Variants in LAMB4 observed in about 807,000 individuals in gnomAD.
LAMB4 encodes laminin subunit beta-4.
A neutral mutation model predicts 199.2 loss-of-function variants in LAMB4; 196 were observed. The ratio of observed to expected loss-of-function variants is 0.98; its 90% CI spans 0.88 to 1.11. The LOEUF (loss-of-function observed/expected upper bound fraction) is 1.11. Among genes scored for constraint, LAMB4 ranks in the 50% least tolerant of loss-of-function variants. The pLI is 0.00. For missense variants in LAMB4, 2,080 were observed against 2,171.2 expected (o/e 0.96, Z 0.83); for synonymous variants, 744 against 770.6 (o/e 0.97, Z 0.57).
At chr7:108,115,933 C>CA in intron 3 of LAMB4, 71 bp downstream of exon 3, 3 of 1,502,058 alleles carry the variant, frequency 2.0e-6, no homozygotes, top group Non-Finnish European at 2.7e-6. Context: ...TGAGTAGCCC[C>CA]AGGTGTACCT....
At chr7:108,092,463 T>C (rs1170421081) in intron 12 of LAMB4, 47 bp from the exon 13 acceptor site, 2 of 1,376,582 alleles carry the variant, frequency 1.5e-6, no homozygotes, top group Non-Finnish European at 2.1e-6. Flanking sequence ...AAGATGCTGT[T>C]GCTCTGAAGT....
chr7:108,020,504 ATGCATGT>A (rs1563021883), downstream of LAMB4, among the ~76,000 whole-genome samples: 1 of 151,172 alleles, frequency 6.6e-6, no homozygotes, highest in African/African-American at 2.4e-5. Context: ...AAGAAAAAGT[ATGCATGT>A]TGTTGTTGCA....
chr7:108,024,739 A>ATCCATCCATCCATCCATCCATCCATCCG (rs1326505021), intron 33 of LAMB4, among the ~76,000 whole-genome samples: 1 of 151,896 alleles, frequency 6.6e-6, no homozygotes, highest in African/African-American at 2.4e-5. Flanking sequence ...CCATCCATCC[A>ATCCATCCATCCATCCATCCATCCATCCG]TCCGTCCGTC....
At chr7:108,012,128 C>T in the LAMB4 span, among the ~76,000 whole-genome samples, 1 of 151,122 alleles carries the variant, frequency 6.6e-6, no homozygotes, top group Non-Finnish European at 1.5e-5. Flanking sequence ...CAAACAACAA[C>T]ATAATTTCTA....
At chr7:108,026,916 CT>C (rs2034858325) in intron 33 of LAMB4, 1 of 517,718 alleles carries the variant, frequency 1.9e-6, no homozygotes, top group Non-Finnish European at 3.9e-6. Flanking sequence ...TGAAAACAGC[CT>C]CAAAAGGAAA....
intron 6 of LAMB4, 64 bp from the exon 7 acceptor site, chr7:108,106,636 C>CA: frequency 2.6e-6 from 2 of 776,578 alleles, no homozygotes; most frequent in Non-Finnish European, 2.0e-6. Context: ...CAAACACACT[C>CA]TTTTTTTTTT....
chr7:108,028,971 T>A, intron 33 of LAMB4, 72 bp downstream of exon 33: 1 of 1,386,840 alleles, frequency 7.2e-7, no homozygotes, highest in Non-Finnish European at 9.9e-7. Context: ...GACATTGGTA[T>A]AAATTCTACT....
At chr7:108,098,119 G>C (rs1270080618) in intron 11 of LAMB4, among the ~76,000 whole-genome samples, 5 of 152,078 alleles carry the variant, frequency 3.3e-5, no homozygotes, top group Non-Finnish European at 7.4e-5. Context: ...GATCACTTGA[G>C]GTCAGGAGTT....
At chr7:108,103,853 A>G (rs1053060166) in intron 9 of LAMB4, among the ~76,000 whole-genome samples, 2 of 152,210 alleles carry the variant, frequency 1.3e-5, no homozygotes, top group African/African-American at 4.8e-5. Flanking sequence ...GGTCTTGTAT[A>G]CTGTGACTCT....
At chr7:108,011,943 T>C in the LAMB4 span, among the ~76,000 whole-genome samples, 7 of 151,892 alleles carry the variant, frequency 4.6e-5, no homozygotes. Context: ...ACATAATTTC[T>C]AATTTTCTAT....
intron 1 of LAMB4, among the ~76,000 whole-genome samples, chr7:108,126,633 C>T (rs1473725724): frequency 7.7e-5 from 11 of 142,540 alleles, no homozygotes; most frequent in Non-Finnish European, 1.6e-4. Flanking sequence ...GGCGCAATCT[C>T]GGCTCACTGC....
Position 108,059,037 on chromosome 7 carries a change from G to A in LAMB4, c.3283-1109C>T, listed in dbSNP as rs907431244. Among the ~76,000 whole-genome samples, 4 of 150,830 alleles carry A rather than the reference G, an allele frequency of 2.7e-5. No individual in the cohort carries two copies. In the East Asian group the frequency reaches 5.9e-4, roughly 22 times the overall value. On this transcript the variant is annotated intron_variant, in intron 23 of 33. Transcript: ENST00000388781. ...GGTGCTTGTTGCCCCGAGGCCTGTC[G>A]TACTGCTGATTGACCCAATTGTTGG...
chr7:108,044,824 A>G (rs1230810852), intron 28 of LAMB4, among the ~76,000 whole-genome samples: 2 of 151,926 alleles, frequency 1.3e-5, no homozygotes, highest in East Asian at 1.9e-4. Flanking sequence ...ATGGTGGCGC[A>G]TGCCTGTAAT....
intron 30 of LAMB4, among the ~76,000 whole-genome samples, chr7:108,035,644 G>GA (rs1419846345): frequency 6.9e-6 from 1 of 145,140 alleles, no homozygotes; most frequent in Non-Finnish European, 1.5e-5. Context: ...GTAAGAAGGG[G>GA]AAAAAATACC....
At position 108,091,632 on chromosome 7, in the gene LAMB4, C is replaced by T. The variant is rs113064388; in HGVS notation, c.1695G>A (p.Ala565=). Residue 565 remains alanine (A), a synonymous_variant, in exon 14 of 34, where the codon GCG becomes GCA. Transcript: ENST00000388781. The part of the protein sequence containing the change: ...AEEATTLQGL[A]PLGSETFGQS... ...AAGTAAATGAAATACGAACCAAAGG[C>T]GCCAGTCCTTGGAGTGTTGTGGCTT... is the stretch of plus-strand genomic sequence containing the variant. 291 of 1,612,808 alleles carry T rather than the reference C, an allele frequency of 1.8e-4. 2 individuals carry two copies. The African/African-American group carries it at 3.2e-3, about 18-fold the overall frequency.
At chr7:108,100,470 TG>T (rs2037776674) in intron 10 of LAMB4, among the ~76,000 whole-genome samples, 1 of 152,184 alleles carries the variant, frequency 6.6e-6, no homozygotes. Context: ...TGGGAGAAAC[TG>T]GGGTGTCTCA....
At chr7:108,054,651 C>A (rs974401179) in intron 25 of LAMB4, among the ~76,000 whole-genome samples, 17 of 152,168 alleles carry the variant, frequency 1.1e-4, no homozygotes, top group Non-Finnish European at 7.4e-5. Context: ...GCAAACTTTG[C>A]CTTAGGAATC....
At chr7:108,111,633 A>G (rs531566365) in intron 4 of LAMB4, among the ~76,000 whole-genome samples, 178 bp downstream of exon 4, 18 of 152,378 alleles carry the variant, frequency 1.2e-4, no homozygotes, top group African/African-American at 4.1e-4. Flanking sequence ...TGTAAAGGAA[A>G]GTATTCTTGT....
chr7:108,013,627 A>AT, the LAMB4 span, among the ~76,000 whole-genome samples: 1 of 152,188 alleles, frequency 6.6e-6, no homozygotes, highest in Non-Finnish European at 1.5e-5. Context: ...TCATGAGGAC[A>AT]TTAGCATAAA....
Sources: gnomAD v4.1 joint callset for allele counts (sites outside exome capture counted in the v4.1 genomes callset) on GRCh38, gnomAD v4.1.1 for gene constraint, MANE v1.5 for transcripts, NCBI Gene and HGNC (gene_info 2026-07-23, HGNC 2026-07-21) for gene names.